GALNT13: variants seen among roughly 807,000 people sequenced by gnomAD.
GALNT13 encodes UDP-GalNAc:polypeptide N-acetylgalactosaminyltransferase 13.
GALNT13 carries 28 observed loss-of-function variants against 64.2 expected under a neutral mutation model. The ratio of observed to expected loss-of-function variants is 0.44; its 90% CI spans 0.32 to 0.60. GALNT13 has a LOEUF of 0.60. GALNT13 is among the 20% of genes least tolerant of loss of function. GALNT13 has a pLI of 0.05. For synonymous variants in GALNT13, 214 were observed against 224.6 expected, an observed-to-expected ratio of 0.95 and a Z score of 0.42; for missense variants, 577 against 669.8, an observed-to-expected ratio of 0.86 and a Z score of 1.53.
chr2:154,211,102 T>G (rs1687733967), intron 4 of GALNT13, among the ~76,000 whole-genome samples: 2 of 151,134 alleles, frequency 1.3e-5, no homozygotes, highest in Non-Finnish European at 3.0e-5. Flanking sequence ...TGTGTGAGTT[T>G]TCAACATCTA....
At chr2:153,490,916 T>G in the GALNT13 span, among the ~76,000 whole-genome samples, 1 of 148,486 alleles carries the variant, frequency 6.7e-6, no homozygotes. Flanking sequence ...GCCGAGATTG[T>G]GCCACTGCAC....
chr2:153,943,499 AT>A (rs5835492), intron 2 of GALNT13, among the ~76,000 whole-genome samples: 105,712 of 148,334 alleles, frequency 0.71, 37,746 homozygotes, highest in East Asian at 0.94. Context: ...GTATGTATGT[AT>A]TTTTTTTTTT....
the GALNT13 span, among the ~76,000 whole-genome samples, chr2:153,776,800 C>G: frequency 6.6e-6 from 1 of 152,156 alleles, no homozygotes; most frequent in African/African-American, 2.4e-5. Flanking sequence ...TGTGCTTTTC[C>G]TAGATGAAAC....
the GALNT13 span, among the ~76,000 whole-genome samples, chr2:153,359,727 C>G: frequency 6.9e-6 from 1 of 144,906 alleles, no homozygotes; most frequent in Non-Finnish European, 1.5e-5. Flanking sequence ...GAATAAAACT[C>G]AGATATGACA....
At chr2:153,216,471 G>A in the GALNT13 span, among the ~76,000 whole-genome samples, 1 of 152,072 alleles carries the variant, frequency 6.6e-6, no homozygotes, top group East Asian at 1.9e-4. Context: ...ATCAGCATGT[G>A]GTGGTGTCTT....
chr2:153,858,556 G>T, the GALNT13 span, among the ~76,000 whole-genome samples: 1 of 151,962 alleles, frequency 6.6e-6, no homozygotes, highest in African/African-American at 2.4e-5. Context: ...AGACCATTCT[G>T]AGAGAGAGAG....
the GALNT13 span, among the ~76,000 whole-genome samples, chr2:153,527,265 A>G: frequency 2.0e-5 from 3 of 152,178 alleles, no homozygotes; most frequent in Non-Finnish European, 2.9e-5. Context: ...TCCTAAAAAT[A>G]AAGGATAAAG....
At chr2:153,292,259 C>T in the GALNT13 span, among the ~76,000 whole-genome samples, 13 of 151,882 alleles carry the variant, frequency 8.6e-5, no homozygotes, top group African/African-American at 2.9e-4. Context: ...AGGGCAAAAG[C>T]GCCATCTATG....
chr2:154,060,816 TA>T (rs1700140379), intron 3 of GALNT13, among the ~76,000 whole-genome samples: 1 of 151,920 alleles, frequency 6.6e-6, no homozygotes, highest in Non-Finnish European at 1.5e-5. Context: ...CACAAGAAAG[TA>T]TATTAGGAAA....
chr2:153,077,201 C>T, the GALNT13 span, among the ~76,000 whole-genome samples: 1 of 152,106 alleles, frequency 6.6e-6, no homozygotes, highest in African/African-American at 2.4e-5. Context: ...ATCCACCTAC[C>T]TCAGCCTCTC....
At chr2:153,355,117 A>C in the GALNT13 span, among the ~76,000 whole-genome samples, 1 of 152,198 alleles carries the variant, frequency 6.6e-6, no homozygotes, top group Admixed American at 6.5e-5. Context: ...TATTCAATAG[A>C]GTAAAAGAAA....
At chr2:153,408,085 T>C in the GALNT13 span, among the ~76,000 whole-genome samples, 1 of 152,218 alleles carries the variant, frequency 6.6e-6, no homozygotes, top group Non-Finnish European at 1.5e-5. Context: ...TCGCTCCTAA[T>C]GAGCCCCCAG....
chr2:153,429,187 TA>T, the GALNT13 span, among the ~76,000 whole-genome samples: 1 of 152,188 alleles, frequency 6.6e-6, no homozygotes, highest in Non-Finnish European at 1.5e-5. Flanking sequence ...TTTAACTCAT[TA>T]CTCCATAGTT....
At chr2:153,502,608 A>G in the GALNT13 span, among the ~76,000 whole-genome samples, 2 of 152,216 alleles carry the variant, frequency 1.3e-5, no homozygotes, top group African/African-American at 2.4e-5. Context: ...GATACCTAGT[A>G]GTAGGATTGT....
chr2:154,224,833 GCTCT>G (rs1210076573), intron 4 of GALNT13, among the ~76,000 whole-genome samples: 1 of 152,034 alleles, frequency 6.6e-6, no homozygotes, highest in East Asian at 1.9e-4. Context: ...GGAAGGAAAT[GCTCT>G]CTGTCTGTGG....
chr2:153,114,508 T>C, the GALNT13 span, among the ~76,000 whole-genome samples: 1 of 152,140 alleles, frequency 6.6e-6, no homozygotes, highest in African/African-American at 2.4e-5. Flanking sequence ...TGATTTGAAG[T>C]CTACTTCAAA....
chr2:153,557,475 C>A, the GALNT13 span, among the ~76,000 whole-genome samples: 1 of 152,186 alleles, frequency 6.6e-6, no homozygotes, highest in African/African-American at 2.4e-5. Flanking sequence ...CTTAGCTAAT[C>A]CCTTGCCAAG....
chr2:154,245,253 C>T (rs1689719767), intron 6 of GALNT13, among the ~76,000 whole-genome samples: 1 of 151,860 alleles, frequency 6.6e-6, no homozygotes, highest in African/African-American at 2.4e-5. Flanking sequence ...TGGTCATGAC[C>T]CTATCATCTT....
chr2:153,599,008 T>C, the GALNT13 span, among the ~76,000 whole-genome samples: 1 of 152,052 alleles, frequency 6.6e-6, no homozygotes, highest in Admixed American at 6.6e-5. Context: ...TCTTTTTGAA[T>C]AGTACTGTCA....
Sources: gnomAD v4.1 joint callset for allele counts (sites outside exome capture counted in the v4.1 genomes callset) on GRCh38, gnomAD v4.1.1 for gene constraint, MANE v1.5 for transcripts, NCBI Gene and HGNC (gene_info 2026-07-23, HGNC 2026-07-21) for gene names.